Variants in TPRG1 observed in about 807,000 individuals in gnomAD.
TPRG1 encodes the protein tumor protein p63 regulated 1, also known as tumor protein p63-regulated gene 1 protein.
Under a neutral mutation model 29.3 loss-of-function variants are expected in TPRG1, and 29 were observed. The ratio of observed to expected loss-of-function variants is 0.99; its 90% CI spans 0.74 to 1.35. The LOEUF is 1.35. Among genes scored for constraint, TPRG1 ranks in the 40% most tolerant of loss-of-function variants. The probability of loss-of-function intolerance (pLI) is 0.00; values close to 1 mark genes in which losing one functional copy is unlikely to be tolerated. For missense variants in TPRG1, 327 were observed against 335.0 expected, an observed-to-expected ratio of 0.98 and a Z score of 0.19; for synonymous variants, 130 against 116.8, an observed-to-expected ratio of 1.11 and a Z score of -0.73.
intron 3 of TPRG1, among the ~76,000 whole-genome samples, chr3:189,014,538 G>T (rs1712820124): frequency 6.6e-6 from 1 of 152,120 alleles, no homozygotes; most frequent in East Asian, 1.9e-4. Flanking sequence ...TTGGCTCTGT[G>T]TTCCCACCTA....
chr3:189,122,149 T>C (rs1343920742), intron 1 of TPRG1, among the ~76,000 whole-genome samples: 2 of 152,176 alleles, frequency 1.3e-5, no homozygotes, highest in African/African-American at 4.8e-5. Flanking sequence ...TTATATTCCT[T>C]CTTTCTTTCA....
intron 3 of TPRG1, among the ~76,000 whole-genome samples, chr3:189,221,861 A>G (rs1578891746): frequency 6.6e-6 from 1 of 152,176 alleles, no homozygotes; most frequent in Non-Finnish European, 1.5e-5. Context: ...AGATTAAATG[A>G]CCTGCCGAAG....
At chr3:189,053,647 C>T (rs1298303481) in intron 4 of TPRG1, among the ~76,000 whole-genome samples, 1 of 152,104 alleles carries the variant, frequency 6.6e-6, no homozygotes, top group Non-Finnish European at 1.5e-5. Flanking sequence ...TTTAGTCTGC[C>T]AGGAGGACGG....
chr3:189,187,257 G>A (rs1731059723), intron 1 of TPRG1, among the ~76,000 whole-genome samples: 2 of 151,512 alleles, frequency 1.3e-5, no homozygotes, highest in East Asian at 1.9e-4. Context: ...CAAAGTGCTG[G>A]GATTACAGGC....
At chr3:189,009,202 C>T (rs1166528544) in intron 3 of TPRG1, among the ~76,000 whole-genome samples, 4 of 152,082 alleles carry the variant, frequency 2.6e-5, no homozygotes, top group Admixed American at 6.6e-5. Context: ...ATGAGAGCTA[C>T]AGAGTCCAAA....
chr3:189,199,255 C>A (rs1733059511), intron 1 of TPRG1, among the ~76,000 whole-genome samples: 2 of 152,130 alleles, frequency 1.3e-5, no homozygotes, highest in Non-Finnish European at 1.5e-5. Flanking sequence ...ACAAGAGAAC[C>A]AATTTGCTCA....
chr3:189,295,926 A>AC lies in TPRG1; in HGVS notation c.480-14460_480-14459insC, dbSNP rs1475327339. ...AAAATGATGCTTTAAAAAAAAAAAA[A>AC]AAAAAACATTTAGACTGTTTCTTAA... On this transcript the variant is annotated intron_variant, in intron 4 of 5. Coordinates refer to ENST00000345063, the MANE Select transcript of TPRG1 (RefSeq NM_198485.4). 9.2e-5 allele frequency among the ~76,000 whole-genome samples: 10 copies of AC among 109,082 alleles called. 1 individual carries two copies. The highest frequency in any genetic ancestry group is 2.1e-4 in the East Asian group (1 of 4,720). The allele number at this position is 109,082 out of a possible 152,430, so 71.6% of individuals were successfully genotyped here. A position where few individuals can be genotyped will look rare whatever the true frequency, so the allele number is the denominator to read the frequency against.
intron 1 of TPRG1, among the ~76,000 whole-genome samples, chr3:189,105,648 T>C (rs1719732560): frequency 1.3e-5 from 2 of 152,160 alleles, no homozygotes; most frequent in African/African-American, 2.4e-5. Flanking sequence ...GTTTTGAGTC[T>C]ACTTTGCTTT....
At chr3:189,004,349 C>T (rs528360443) in intron 2 of TPRG1, among the ~76,000 whole-genome samples, 1 of 152,240 alleles carries the variant, frequency 6.6e-6, no homozygotes, top group South Asian at 2.1e-4. Flanking sequence ...TTTCCTTGCT[C>T]ACTGTGATTA....
At chr3:189,182,131 T>G (rs1730311439) in intron 1 of TPRG1, among the ~76,000 whole-genome samples, 1 of 152,204 alleles carries the variant, frequency 6.6e-6, no homozygotes. Context: ...AGATGAGATT[T>G]GGGTGGAGAC....
intron 4 of TPRG1, among the ~76,000 whole-genome samples, chr3:189,027,054 A>G (rs1713702734): frequency 6.6e-6 from 1 of 152,360 alleles, no homozygotes; most frequent in South Asian, 2.1e-4. Flanking sequence ...CAATATCTGT[A>G]GGGTGCTTAG....
chr3:189,043,005 C>T (rs759535297), intron 4 of TPRG1, among the ~76,000 whole-genome samples: 25 of 152,306 alleles, frequency 1.6e-4, no homozygotes, highest in South Asian at 1.4e-3. Context: ...AATGACCACA[C>T]TGTTCACCCA....
intron 4 of TPRG1, among the ~76,000 whole-genome samples, chr3:189,024,554 G>A (rs1713553847): frequency 6.6e-6 from 1 of 152,236 alleles, no homozygotes; most frequent in Non-Finnish European, 1.5e-5. Flanking sequence ...TTCTGGTGAA[G>A]CAGCTGTGCT....
At chr3:189,078,763 C>T (rs559386287) in intron 4 of TPRG1, among the ~76,000 whole-genome samples, 1 of 152,316 alleles carries the variant, frequency 6.6e-6, no homozygotes, top group South Asian at 2.1e-4. Flanking sequence ...CACACACTAG[C>T]TGTGCTACCT....
chr3:189,096,545 T>C (rs1269214143), upstream of TPRG1, among the ~76,000 whole-genome samples: 1 of 152,206 alleles, frequency 6.6e-6, no homozygotes, highest in Non-Finnish European at 1.5e-5. Context: ...TCTACAGCAG[T>C]GGTGCTCAAA....
At chr3:189,240,297 A>C (rs969790268) in intron 4 of TPRG1, 2 of 151,800 alleles carry the variant, frequency 1.3e-5, no homozygotes, top group Non-Finnish European at 2.9e-5. Flanking sequence ...ATTTTCAGGA[A>C]CTCTCTCTTC....
At chr3:189,238,704 A>AT in intron 3 of TPRG1, 29 bp from the exon 4 acceptor site, 1 of 1,561,066 alleles carries the variant, frequency 6.4e-7, no homozygotes, top group Non-Finnish European at 8.7e-7. Context: ...TGTGTCATCA[A>AT]TTTTTATTTG....
intron 4 of TPRG1, among the ~76,000 whole-genome samples, chr3:189,246,734 C>A (rs1360832943): frequency 2.0e-5 from 3 of 151,964 alleles, no homozygotes; most frequent in Admixed American, 2.0e-4. Context: ...AGTCTTAATT[C>A]TTGAGGAATA....
chr3:189,137,435 CA>C (rs1257419909), intron 3 of TPRG1, among the ~76,000 whole-genome samples: 1 of 150,238 alleles, frequency 6.7e-6, no homozygotes, highest in Non-Finnish European at 1.5e-5. Flanking sequence ...ACAAAAACAA[CA>C]AAAAAAGAAT....
Sources: allele counts gnomAD v4.1 joint callset (sites outside exome capture counted in the v4.1 genomes callset), GRCh38; gene constraint gnomAD v4.1.1; transcripts MANE v1.5; gene names NCBI Gene and HGNC (gene_info 2026-07-23, HGNC 2026-07-21).